LTF: variants seen among roughly 807,000 people sequenced by gnomAD.
The protein encoded by LTF is lactotransferrin.
In LTF, 91 loss-of-function variants were observed where a neutral mutation model predicts 87.2. The observed-to-expected ratio is 1.04, with a 90% CI of 0.88 to 1.24. The LOEUF is 1.24. Among genes scored for constraint, LTF ranks in the 50% most tolerant of loss-of-function variants. LTF has a pLI of 0.00. For synonymous variants in LTF, 378 were observed against 356.1 expected, an observed-to-expected ratio of 1.06 and a Z score of -0.69; for missense variants, 901 against 904.3, an observed-to-expected ratio of 1.00 and a Z score of 0.05.
intron 1 of LTF, among the ~76,000 whole-genome samples, chr3:46,483,517 C>CA (rs1281784461): frequency 6.6e-6 from 1 of 152,150 alleles, no homozygotes; most frequent in Non-Finnish European, 1.5e-5. Flanking sequence ...AGGTTGGACA[C>CA]AAAAGAGCAC....
intron 2 of LTF, among the ~76,000 whole-genome samples, chr3:46,457,402 A>G (rs889473464): frequency 4.6e-5 from 7 of 152,182 alleles, no homozygotes; most frequent in African/African-American, 1.4e-4. Flanking sequence ...TTTCATGAAT[A>G]TCTTTGTCCT....
At chr3:46,466,019 G>A (rs867788414), upstream of LTF, among the ~76,000 whole-genome samples, 5 of 152,132 alleles carry the variant, frequency 3.3e-5, no homozygotes, top group East Asian at 1.9e-4. Flanking sequence ...TGGGAGGATC[G>A]CTTGAGCCCA....
At position 46,439,384 on chromosome 3, in the gene LTF, C is replaced by A. The variant is rs1702461059; in HGVS notation, c.1820G>T (p.Ser607Ile). 4 of 1,614,250 alleles carry A rather than the reference C, an allele frequency of 2.5e-6. No homozygotes were observed. Among genetic ancestry groups the A allele is most frequent in the Non-Finnish European group, 3.4e-6 (4 of 1,180,036 alleles). Reference protein sequence around the residue: ...GKRKPVTEARSCHLAMAPNHA... With the variant: ...GKRKPVTEARICHLAMAPNHA... Reference sequence around the variant, plus strand: ...ATTCGGGGCCATGGCAAGATGGCAGCTTCTAGCCTCAGTCACAGGCTTCCG... The same window carrying A: ...ATTCGGGGCCATGGCAAGATGGCAGATTCTAGCCTCAGTCACAGGCTTCCG... Residue 607 changes from serine (S) to isoleucine (I), a missense_variant, in exon 15 of 17, where the codon AGC becomes ATC. Coordinates refer to ENST00000231751, the MANE Select transcript of LTF (RefSeq NM_002343.6).
Position 46,439,296 on chromosome 3 carries a change from C to T in LTF, c.1908G>A (p.Gln636=). ...GCACTAGAAGCCCTGTGGTCCATAC[C>T]TGTTGGTGGAGCAACACCTGTTTCA... ...ERLKQVLLHQ[Q]AKFGRNGSDC... The change falls in exon 15 of 17, where the codon CAG becomes CAA. Residue 636 remains glutamine, a splice_region_variant and synonymous_variant. Coordinates refer to ENST00000231751, the MANE Select transcript of LTF (RefSeq NM_002343.6). 2 of 1,609,426 alleles carry T rather than the reference C, an allele frequency of 1.2e-6. No homozygotes were observed. Among genetic ancestry groups the T allele is most frequent in the East Asian group, 2.2e-5 (1 of 44,856 alleles).
intron 1 of LTF, chr3:46,470,513 G>C (rs536531035): frequency 6.6e-6 from 1 of 152,452 alleles, no homozygotes; most frequent in East Asian, 1.9e-4. Context: ...AGGAGCCTGA[G>C]ATGGGCGAGC....
chr3:46,445,195 C>T, intron 12 of LTF, 86 bp downstream of exon 12: 2 of 1,346,170 alleles, frequency 1.5e-6, no homozygotes, highest in Non-Finnish European at 2.0e-6. Context: ...CCTGCAAATC[C>T]CCTCCCCTCC....
intron 12 of LTF, among the ~76,000 whole-genome samples, chr3:46,444,489 T>C (rs1055244281): frequency 6.6e-5 from 10 of 152,220 alleles, no homozygotes; most frequent in African/African-American, 2.2e-4. Flanking sequence ...CGTCACCCAT[T>C]ATCAGACTCC....
rs1402627589 is a variant in LTF at position 46,449,845 on chromosome 3, C to G, written c.1057+9G>C. ...AGGCGGACCTCAGGACCCTCCTGGG[C>G]TCACTCACTTTTCCTCAAGTTCTGG... On this transcript the variant is annotated intron_variant, in intron 8 of 16. Transcript: ENST00000231751. 3.1e-6 allele frequency: 5 copies of G among 1,613,780 alleles called. No individual in the cohort carries two copies. The highest frequency in any genetic ancestry group is 1.3e-5 in the African/African-American group (1 of 74,894).
rs1042890288 is a variant in LTF, at chr3:46,464,673, G to GGA, written c.43+151_43+152insTC. ...CCCATGTGGGAAAGAGACTGGCCCCGCGTCCGGGCCGCCTCCCGGCTGTAG... is the reference window on the plus strand; with the variant it reads ...CCCATGTGGGAAAGAGACTGGCCCCGGACGTCCGGGCCGCCTCCCGGCTGTAG... On this transcript the variant is annotated intron_variant, in intron 1 of 16. Transcript: ENST00000231751. The GGA allele has an allele frequency of 9.3e-6, 7 of 751,318 alleles. No individual in the cohort carries two copies. In the African/African-American group the frequency reaches 1.2e-4, roughly 13 times the overall value. 46.5% of individuals were successfully genotyped at this position (751,318 alleles called of 1,614,324 possible). A position where few individuals can be genotyped will look rare whatever the true frequency, so the allele number is the denominator to read the frequency against.
intron 1 of LTF, chr3:46,460,595 A>G (rs563201270): frequency 2.2e-6 from 1 of 455,316 alleles, no homozygotes; most frequent in South Asian, 1.6e-5. Flanking sequence ...ATCCACAAAA[A>G]ACCTGCAATG....
At chr3:46,482,723 A>G (rs71615448) in intron 1 of LTF, among the ~76,000 whole-genome samples, 6,271 of 111,548 alleles carry the variant, frequency 0.056, 525 homozygotes, top group South Asian at 0.14. Context: ...AAAGAGAAAG[A>G]AAGGAAGGAA....
chr3:46,450,308 G>T (rs370844119), intron 7 of LTF, among the ~76,000 whole-genome samples, 187 bp downstream of exon 7: 5 of 152,078 alleles, frequency 3.3e-5, no homozygotes, highest in African/African-American at 1.2e-4. Context: ...CTGTCAGCCC[G>T]TGTGACAGAA....
chr3:46,468,446 T>G (rs1703243346), upstream of LTF: 1 of 407,200 alleles, frequency 2.5e-6, no homozygotes, highest in East Asian at 7.1e-5. Flanking sequence ...CAGGCAGATG[T>G]GTGAGGCTGA....
rs1366080856 is a variant in LTF at position 46,455,513 on chromosome 3, C to G, written c.500-71G>C. 13 of 1,582,368 alleles carry G rather than the reference C, an allele frequency of 8.2e-6. No homozygotes were observed. In the East Asian group the frequency reaches 2.5e-4, roughly 30 times the overall value. ...GTCACAGCAGGTTACACCTCCCATC[C>G]TGAGGTCTCCGTGGGCAAGGCCCCT... On this transcript the variant is annotated intron_variant, in intron 4 of 16. Transcript: ENST00000231751.
intron 6 of LTF, among the ~76,000 whole-genome samples, chr3:46,453,776 G>T (rs1282519617): frequency 3.3e-5 from 5 of 152,144 alleles, no homozygotes; most frequent in Non-Finnish European, 5.9e-5. Context: ...GGTATCAGTC[G>T]TGTGGCTGCA....
At chr3:46,480,540 C>CTGGTG (rs1489401696) in intron 1 of LTF, among the ~76,000 whole-genome samples, 1 of 152,212 alleles carries the variant, frequency 6.6e-6, no homozygotes, top group Non-Finnish European at 1.5e-5. Context: ...TGGTCCCTAT[C>CTGGTG]TGGTGCTGGG....
At chr3:46,455,597 C>T (rs1455530851) in intron 4 of LTF, among the ~76,000 whole-genome samples, 155 bp from the exon 5 acceptor site, 1 of 152,252 alleles carries the variant, frequency 6.6e-6, no homozygotes, top group Non-Finnish European at 1.5e-5. Flanking sequence ...ACATGCACCT[C>T]TGCCGAGAGC....
At position 46,457,000 on chromosome 3, in the gene LTF, T is replaced by A. The variant is rs146287804; in HGVS notation, c.208-602A>T. 8.8e-4 allele frequency among the ~76,000 whole-genome samples: 134 copies of A among 152,188 alleles called. No individual in the cohort carries two copies. In the East Asian group the frequency reaches 0.013, roughly 14 times the overall value. On this transcript the variant is annotated intron_variant, in intron 2 of 16. Coordinates refer to ENST00000231751, the MANE Select transcript of LTF (RefSeq NM_002343.6). ...TCAGGCATTGGATTCTCATAGGGAG[T>A]GCAACCTAGATCCCTCGCATGCACA... is the stretch of plus-strand genomic sequence containing the variant.
At position 46,456,476 on chromosome 3, in the gene LTF, A is replaced by G; in HGVS notation, c.208-78T>C. ...CAAGTGGGACTTCAGGACCTCAAAAAGTCTCCATGGCTGGAAGGGTCGTCA... is the reference window on the plus strand; with the variant it reads ...CAAGTGGGACTTCAGGACCTCAAAAGGTCTCCATGGCTGGAAGGGTCGTCA... On this transcript the variant is annotated intron_variant, in intron 2 of 16. Coordinates refer to ENST00000231751, the MANE Select transcript of LTF (RefSeq NM_002343.6). The G allele has an allele frequency of 6.0e-6, 7 of 1,165,812 alleles. No homozygotes were observed. In the South Asian group the frequency reaches 8.9e-5, roughly 15 times the overall value. The allele number at this position is 1,165,812 out of a possible 1,614,324, so 72.2% of individuals were successfully genotyped here. A position where few individuals can be genotyped will look rare whatever the true frequency, so the allele number is the denominator to read the frequency against.
Sources: allele counts gnomAD v4.1 joint callset (sites outside exome capture counted in the v4.1 genomes callset), GRCh38; gene constraint gnomAD v4.1.1; transcripts MANE v1.5; gene names NCBI Gene and HGNC (gene_info 2026-07-23, HGNC 2026-07-21).